Variants in FER observed in about 807,000 individuals in gnomAD.
FER encodes FER tyrosine kinase.
FER carries 63 observed loss-of-function variants against 111.0 expected under a neutral mutation model. The ratio of observed to expected loss-of-function variants is 0.57; its 90% CI spans 0.46 to 0.70. The LOEUF (loss-of-function observed/expected upper bound fraction) is 0.70, where lower values mean the gene tolerates loss of function less well. Among genes scored for constraint, FER ranks in the 30% least tolerant of loss-of-function variants. The pLI is 0.00. For synonymous variants in FER, 327 were observed against 313.9 expected (o/e 1.04, Z -0.44); for missense variants, 914 against 954.0 (o/e 0.96, Z 0.55).
chr5:109,056,523 T>A (rs924378749), intron 16 of FER, among the ~76,000 whole-genome samples: 14 of 151,874 alleles, frequency 9.2e-5, no homozygotes, highest in African/African-American at 3.4e-4. Context: ...AAGTCAGATA[T>A]ACAGAGATAG....
chr5:109,160,796 T>C (rs1755906039), intron 17 of FER, among the ~76,000 whole-genome samples: 1 of 152,112 alleles, frequency 6.6e-6, no homozygotes, highest in African/African-American at 2.4e-5. Flanking sequence ...CCAGACCAAT[T>C]GTGTAGCTGT....
At chr5:108,836,899 T>A (rs1760724781) in intron 5 of FER, among the ~76,000 whole-genome samples, 1 of 152,098 alleles carries the variant, frequency 6.6e-6, no homozygotes, top group South Asian at 2.1e-4. Context: ...ACATTTACTT[T>A]GTGTCTCCTT....
chr5:109,083,213 A>T lies in FER; in HGVS notation c.1925-17183A>T, dbSNP rs1304140525. ...TCTTCATTTATTGAAAGCGGCTTTG[A>T]TATCTATCCAAATATTTTTAATATT... is the stretch of plus-strand genomic sequence containing the variant. On this transcript the variant is annotated intron_variant, in intron 16 of 19. Coordinates refer to ENST00000281092, the MANE Select transcript of FER (RefSeq NM_005246.4). Among the ~76,000 whole-genome samples, 3 of 152,068 alleles carry T rather than the reference A, an allele frequency of 2.0e-5. No homozygotes were observed. The East Asian group carries it at 5.8e-4, about 29-fold the overall frequency.
intron 2 of FER, among the ~76,000 whole-genome samples, chr5:108,793,521 G>GC (rs1554065864): frequency 2.2e-5 from 3 of 135,596 alleles, no homozygotes; most frequent in South Asian, 4.8e-4. Context: ...TGGCGGGGCG[G>GC]GGGGGGTGGT....
At chr5:108,978,437 T>C (rs1179253260) in intron 13 of FER, among the ~76,000 whole-genome samples, 1 of 152,212 alleles carries the variant, frequency 6.6e-6, no homozygotes, top group East Asian at 1.9e-4. Context: ...GCTGCGCTCT[T>C]TCTTGGAAAT....
At chr5:108,750,940 C>T (rs1373926720) in intron 1 of FER, among the ~76,000 whole-genome samples, 1 of 152,176 alleles carries the variant, frequency 6.6e-6, no homozygotes, top group Admixed American at 6.5e-5. Context: ...TGCCTGTAAT[C>T]CCAGCACTTT....
chr5:108,969,184 A>G (rs1760296920), intron 13 of FER, among the ~76,000 whole-genome samples: 2 of 152,178 alleles, frequency 1.3e-5, no homozygotes, highest in African/African-American at 4.8e-5. Context: ...CACTTTTACA[A>G]CTTATCCTTT....
chr5:108,748,408 T>A (rs971114969), intron 1 of FER: 2 of 152,294 alleles, frequency 1.3e-5, no homozygotes, highest in South Asian at 2.1e-4. Flanking sequence ...CCTTTCCGGC[T>A]GCCGACCCGC....
At chr5:109,036,827 C>T (rs985949542) in intron 13 of FER, among the ~76,000 whole-genome samples, 3 of 151,898 alleles carry the variant, frequency 2.0e-5, no homozygotes, top group African/African-American at 4.8e-5. Flanking sequence ...ATGGGATGCT[C>T]TCTTTCAATG....
intron 13 of FER, among the ~76,000 whole-genome samples, chr5:108,966,139 C>G (rs1430483020): frequency 6.6e-6 from 1 of 152,072 alleles, no homozygotes; most frequent in Non-Finnish European, 1.5e-5. Context: ...CTCAGACTTT[C>G]TTAAATATCA....
chr5:109,017,286 T>C (rs939738092), intron 13 of FER, among the ~76,000 whole-genome samples: 7 of 152,032 alleles, frequency 4.6e-5, no homozygotes, highest in African/African-American at 1.7e-4. Flanking sequence ...ATATGTTATA[T>C]ATTTTGCAAA....
Position 109,162,422 on chromosome 5 carries a change from C to G in FER, c.2049-18325C>G, listed in dbSNP as rs1160208820. 3.3e-5 allele frequency among the ~76,000 whole-genome samples: 5 copies of G among 151,884 alleles called. 1 individual carries two copies. In the South Asian group the frequency reaches 8.4e-4, roughly 25 times the overall value. ...TGTACTGTGTTACCAAAAATAAAGGCCAAAATGAAAAGCTAAGTGCCATCT... is the reference window on the plus strand; with the variant it reads ...TGTACTGTGTTACCAAAAATAAAGGGCAAAATGAAAAGCTAAGTGCCATCT... On this transcript the variant is annotated intron_variant, in intron 17 of 19. Transcript: ENST00000281092.
At chr5:108,819,763 A>C in intron 3 of FER, 1 of 983,024 alleles carries the variant, frequency 1.0e-6, no homozygotes, top group Admixed American at 6.1e-5. Context: ...ATTTTTTTAA[A>C]ATAGAGATTC....
intron 13 of FER, among the ~76,000 whole-genome samples, chr5:109,000,930 T>C (rs1561750446): frequency 6.6e-6 from 1 of 152,036 alleles, no homozygotes; most frequent in Non-Finnish European, 1.5e-5. Flanking sequence ...CCTGGACACA[T>C]ACACTCTCCC....
chr5:108,996,103 T>G (rs552156043), intron 13 of FER, among the ~76,000 whole-genome samples: 1 of 152,228 alleles, frequency 6.6e-6, no homozygotes, highest in East Asian at 1.9e-4. Context: ...GCCCACTTTT[T>G]GAAGGAGTTG....
At chr5:109,162,885 T>G (rs889388314) in intron 17 of FER, among the ~76,000 whole-genome samples, 9 of 152,092 alleles carry the variant, frequency 5.9e-5, no homozygotes, top group African/African-American at 1.9e-4. Flanking sequence ...TACAATAAAA[T>G]GCACCAATTT....
At chr5:109,065,563 G>T (rs2149978710) in intron 16 of FER, among the ~76,000 whole-genome samples, 1 of 152,262 alleles carries the variant, frequency 6.6e-6, no homozygotes, top group African/African-American at 2.4e-5. Context: ...TTAATATTAA[G>T]GAAGGTAAAT....
At position 109,194,002 on chromosome 5, in the gene FER, A is replaced by G. The variant is rs1195858440; in HGVS notation, c.*6427A>G. On this transcript the variant is annotated 3_prime_UTR_variant, in exon 20 of 20. Coordinates refer to ENST00000281092, the MANE Select transcript of FER (RefSeq NM_005246.4). ...TTAGATGACTAACACTATCAGTAGAAGCTCTTGAGAGATTTTCCTAACGCA... is the reference window on the plus strand; with the variant it reads ...TTAGATGACTAACACTATCAGTAGAGGCTCTTGAGAGATTTTCCTAACGCA... 6.6e-6 allele frequency: 1 copy of G among 152,142 alleles called. No individual in the cohort carries two copies. The highest frequency in any genetic ancestry group is 1.5e-5 in the Non-Finnish European group (1 of 68,022). The allele number at this position is 152,142 out of a possible 1,614,324, so 9.4% of individuals were successfully genotyped here.
chr5:108,965,057 A>G (rs906738055), intron 13 of FER, among the ~76,000 whole-genome samples: 27 of 152,194 alleles, frequency 1.8e-4, no homozygotes, highest in Non-Finnish European at 3.4e-4. Flanking sequence ...CAGTTTGAAA[A>G]AAACGTTCTG....
Sources: gnomAD v4.1 joint callset for allele counts (sites outside exome capture counted in the v4.1 genomes callset) on GRCh38, gnomAD v4.1.1 for gene constraint, MANE v1.5 for transcripts, NCBI Gene and HGNC (gene_info 2026-07-23, HGNC 2026-07-21) for gene names.